BMP1: variants seen among roughly 807,000 people sequenced by gnomAD.
BMP1 encodes mammalian tolloid protein.
Under a neutral mutation model 116.8 loss-of-function variants are expected in BMP1, and 63 were observed. That is an observed-to-expected ratio of 0.54 (90% CI 0.44 to 0.67). The LOEUF (loss-of-function observed/expected upper bound fraction) is 0.67, where lower values mean the gene tolerates loss of function less well. BMP1 is among the 30% of genes least tolerant of loss of function. The pLI is 0.00. For synonymous variants in BMP1, 536 were observed against 533.4 expected (o/e 1.00, Z -0.07); for missense variants, 1,183 against 1,358.9 (o/e 0.87, Z 2.04).
chr8:22,176,854 T>A (rs1239156096), intron 4 of BMP1, 107 bp from the exon 5 acceptor site: 7 of 992,950 alleles, frequency 7.0e-6, no homozygotes, highest in African/African-American at 1.6e-5. Context: ...GGCCCACCCC[T>A]CCCCTTCGCT....
At chr8:22,204,067 A>G (rs1193731544) in intron 16 of BMP1, among the ~76,000 whole-genome samples, 1 of 152,198 alleles carries the variant, frequency 6.6e-6, no homozygotes, top group Non-Finnish European at 1.5e-5. Flanking sequence ...ACCCAGCACT[A>G]TGCAAAGATC....
chr8:22,174,273 T>C (rs1405807442), intron 2 of BMP1, among the ~76,000 whole-genome samples: 1 of 152,240 alleles, frequency 6.6e-6, no homozygotes, highest in African/African-American at 2.4e-5. Context: ...TCCCTTCATT[T>C]TCCCTGTTTT....
Position 22,188,531 on chromosome 8 carries a change from C to A in BMP1, c.1078-3518C>A, listed in dbSNP as rs1828842616. Among the ~76,000 whole-genome samples, 4 of 152,338 alleles carry A rather than the reference C, an allele frequency of 2.6e-5. No homozygotes were observed. The South Asian group carries it at 8.3e-4, about 32-fold the overall frequency. On this transcript the variant is annotated intron_variant, in intron 8 of 19. Coordinates refer to ENST00000306385, the MANE Select transcript of BMP1 (RefSeq NM_006129.5). ...GAAGCCGAGCCACAGGCCCAAGTCA[C>A]CAGCCCGGAAGCGGTGGGGCAGGCC...
At chr8:22,192,012 G>T in intron 8 of BMP1, 37 bp from the exon 9 acceptor site, 1 of 1,560,846 alleles carries the variant, frequency 6.4e-7, no homozygotes, top group Non-Finnish European at 8.8e-7. Context: ...TGCAATGTTC[G>T]GGACAGCTTA....
Position 22,165,514 on chromosome 8 carries a change from G to T in BMP1, c.109G>T (p.Asp37Tyr), listed in dbSNP as rs1161097944. The T allele has an allele frequency of 1.3e-6, 2 of 1,592,260 alleles. No homozygotes were observed. The highest frequency in any genetic ancestry group is 2.2e-5 in the South Asian group (2 of 88,982). Reference sequence around the variant, plus strand: ...CACCTATGACCTGGCGGAGGAGGACGACTCGGAGCCCCTCAACTACAAAGA... The same window carrying T: ...CACCTATGACCTGGCGGAGGAGGACTACTCGGAGCCCCTCAACTACAAAGA... ...DYTYDLAEED[D>Y]SEPLNYKDPC... is the part of the protein sequence containing the mutation. The change falls in exon 1 of 20, where the codon GAC becomes TAC. Residue 37 changes from aspartate (D) to tyrosine (Y), a missense_variant. Physicochemically the swap from Asp to Tyr is radical, Grantham distance 160. Transcript: ENST00000306385.
intron 15 of BMP1, among the ~76,000 whole-genome samples, 172 bp downstream of exon 15, chr8:22,197,592 C>A (rs1422914913): frequency 2.0e-5 from 3 of 152,170 alleles, no homozygotes; most frequent in African/African-American, 7.2e-5. Context: ...CTTCCAGTAT[C>A]CAAATCTCAT....
At chr8:22,167,120 T>C (rs1199939425) in intron 1 of BMP1, among the ~76,000 whole-genome samples, 1 of 152,244 alleles carries the variant, frequency 6.6e-6, no homozygotes, top group Non-Finnish European at 1.5e-5. Context: ...CCCTACTCCC[T>C]GTTTTCTGTG....
chr8:22,177,581 T>C lies in BMP1; in HGVS notation c.731-271T>C, dbSNP rs868389388. 4 of 746,432 alleles carry C rather than the reference T, an allele frequency of 5.4e-6. No homozygotes were observed. In the Middle Eastern group the frequency reaches 9.2e-4, roughly 171 times the overall value. The allele number at this position is 746,432 out of a possible 1,614,324, so 46.2% of individuals were successfully genotyped here. On this transcript the variant is annotated intron_variant, in intron 5 of 19. Transcript: ENST00000306385. ...CTCTCTCCCAGGCGTTCTCCACTCTTCACTGCTCCTTCTCAGCTGTGGCTC... is the reference window on the plus strand; with the variant it reads ...CTCTCTCCCAGGCGTTCTCCACTCTCCACTGCTCCTTCTCAGCTGTGGCTC...
At chr8:22,199,651 C>T (rs952295033) in intron 15 of BMP1, among the ~76,000 whole-genome samples, 2 of 152,188 alleles carry the variant, frequency 1.3e-5, no homozygotes, top group African/African-American at 2.4e-5. Flanking sequence ...AGGGGTGGAG[C>T]GAAGGCTTTG....
chr8:22,196,388 T>C, intron 13 of BMP1: 1 of 588,768 alleles, frequency 1.7e-6, no homozygotes, highest in South Asian at 1.7e-5. Context: ...GAGCCCCTTA[T>C]TCCCGCTCAC....
At chr8:22,168,048 C>T (rs146499929) in intron 1 of BMP1, among the ~76,000 whole-genome samples, 69 of 152,328 alleles carry the variant, frequency 4.5e-4, no homozygotes, top group African/African-American at 1.5e-3. Flanking sequence ...CCACAGCTTA[C>T]CTGTGACCTT....
intron 15 of BMP1, chr8:22,201,532 G>T: frequency 7.1e-7 from 1 of 1,410,350 alleles, no homozygotes; most frequent in Non-Finnish European, 9.2e-7. Flanking sequence ...TGTCCAGTAA[G>T]CAGGTAATGG....
chr8:22,165,551 C>T lies in BMP1; in HGVS notation c.146C>T (p.Ala49Val). The change falls in exon 1 of 20, where the codon GCG (alanine) becomes GTG (valine). Residue 49 changes from alanine (A) to valine (V), a missense_variant and splice_region_variant. Ala to Val is a moderately conservative substitution (Grantham distance 64). This residue lies in a region of BMP1 where 185 missense variants were observed against 158.9 expected (regional missense o/e 1.16). Transcript: ENST00000306385. ...CTCAACTACAAAGACCCCTGCAAGGCGGGTGAGCGCCCCCCGGCCCCCCGG... is the reference window on the plus strand; with the variant it reads ...CTCAACTACAAAGACCCCTGCAAGGTGGGTGAGCGCCCCCCGGCCCCCCGG... Reference protein sequence around the residue: ...EPLNYKDPCKAAAFLGDIALD... With the variant: ...EPLNYKDPCKVAAFLGDIALD... 1 of 1,579,590 alleles carries T rather than the reference C, an allele frequency of 6.3e-7. No individual in the cohort carries two copies. The highest frequency in any genetic ancestry group is 8.6e-7 in the Non-Finnish European group (1 of 1,166,588).
intron 1 of BMP1, among the ~76,000 whole-genome samples, chr8:22,172,378 G>A (rs935878791): frequency 2.6e-5 from 4 of 151,906 alleles, no homozygotes; most frequent in South Asian, 2.1e-4. Flanking sequence ...CAGTTCAGCC[G>A]GGTCTCTGGA....
chr8:22,204,838 C>T (rs1049231996), intron 16 of BMP1, among the ~76,000 whole-genome samples: 1 of 151,450 alleles, frequency 6.6e-6, no homozygotes, highest in Non-Finnish European at 1.5e-5. Flanking sequence ...GTGGCCATAG[C>T]GAGTGTTCTC....
rs1047278644 is a variant in BMP1 at position 22,207,115 on chromosome 8, A to G, written c.2361+134A>G. ...GAGACCCCAAGTCTGGCCTGGACAG[A>G]GGCCCCTTTCCCAGTATAAATTAGG... On this transcript the variant is annotated intron_variant, in intron 17 of 19. Transcript: ENST00000306385. The G allele has an allele frequency of 3.4e-5, 49 of 1,455,530 alleles. 1 individual carries two copies. The highest frequency in any genetic ancestry group is 3.1e-4 in the South Asian group (23 of 75,004). The allele number at this position is 1,455,530 out of a possible 1,614,324, so 90.2% of individuals were successfully genotyped here.
Position 22,176,662 on chromosome 8 carries a change from G to A in BMP1, c.551+12G>A, listed in dbSNP as rs759164777. 2.5e-6 allele frequency: 4 copies of A among 1,613,428 alleles called. No homozygotes were observed. Among genetic ancestry groups the A allele is most frequent in the East Asian group, 2.2e-5 (1 of 44,866 alleles). On this transcript the variant is annotated intron_variant, in intron 4 of 19. Coordinates refer to ENST00000306385, the MANE Select transcript of BMP1 (RefSeq NM_006129.5). ...TATCGACCTTGCGGGTGAGCAGGAA[G>A]CCCTAGGCGCTGTACCTTCCGCCAT...
chr8:22,168,391 C>A (rs995363868), intron 1 of BMP1, among the ~76,000 whole-genome samples: 1 of 152,174 alleles, frequency 6.6e-6, no homozygotes, highest in Non-Finnish European at 1.5e-5. Flanking sequence ...CCAACACCCC[C>A]CCGGAGAGAC....
At chr8:22,178,352 C>T (rs1828514832) in intron 6 of BMP1, among the ~76,000 whole-genome samples, 1 of 152,218 alleles carries the variant, frequency 6.6e-6, no homozygotes, top group African/African-American at 2.4e-5. Context: ...TGCAGTGGCA[C>T]AGTCATGGCT....
Sources: gnomAD v4.1 joint callset for allele counts (sites outside exome capture counted in the v4.1 genomes callset) on GRCh38, gnomAD v4.1.1 for gene constraint, gnomAD v4.1.1 regional missense constraint, MANE v1.5 for transcripts, NCBI Gene and HGNC (gene_info 2026-07-23, HGNC 2026-07-21) for gene names.